Variants in RGPD5 observed in about 807,000 individuals in gnomAD.
RGPD5 encodes the protein RANBP2-like and GRIP domain-containing protein 5/6.
At chr2:109,773,203 C>T in the RGPD5 span, among the ~76,000 whole-genome samples, 1 of 151,108 alleles carries the variant, frequency 6.6e-6, no homozygotes, top group African/African-American at 2.5e-5. Context: ...AGGCTGCAGG[C>T]ACCACGGTGT....
the RGPD5 span, among the ~76,000 whole-genome samples, chr2:109,770,529 C>A: frequency 1.2e-5 from 1 of 80,682 alleles, no homozygotes; most frequent in African/African-American, 7.2e-5. Context: ...TCCTGCCAGG[C>A]CCCTCTTCTG....
At chr2:109,778,400 G>A in the RGPD5 span, among the ~76,000 whole-genome samples, 1 of 149,076 alleles carries the variant, frequency 6.7e-6, no homozygotes, top group East Asian at 2.0e-4. Context: ...CTTTATAAAT[G>A]TGTGGAATGT....
At chr2:109,760,948 C>T in the RGPD5 span, among the ~76,000 whole-genome samples, 4 of 129,770 alleles carry the variant, frequency 3.1e-5, no homozygotes, top group East Asian at 1.0e-3. Context: ...GATGCGTGGC[C>T]GCCTGCCTGT....
the RGPD5 span, among the ~76,000 whole-genome samples, chr2:109,764,611 A>G: frequency 1.3e-5 from 2 of 149,204 alleles, no homozygotes; most frequent in African/African-American, 4.9e-5. Flanking sequence ...AACACTGGTG[A>G]TTCAGAAAAG....
intron 1 of RGPD5, 24 bp downstream of exon 1, chr2:109,794,561 A>ACGGCGGCGGCGGCGGCGGCGG (rs1254797662): frequency 1.2e-3 from 1 of 820 alleles, no homozygotes; most frequent in African/African-American, 3.6e-3. Context: ...GAAGAGAGCG[A>ACGGCGGCGGCGGCGGCGGCGG]CGGCGGCCTC....
At chr2:109,760,671 TCGGCGGCGGCGGCGGTAGCGG>T in the RGPD5 span, among the ~76,000 whole-genome samples, 1 of 126,312 alleles carries the variant, frequency 7.9e-6, no homozygotes, top group Non-Finnish European at 1.7e-5. Flanking sequence ...GGCCCGAGCT[TCGGCGGCGGCGGCGGTAGCGG>T]CGGCGGCGAC....
chr2:109,762,323 T>A, the RGPD5 span, among the ~76,000 whole-genome samples: 4 of 150,052 alleles, frequency 2.7e-5, 1 homozygote, highest in Admixed American at 1.4e-4. Context: ...ATTTTATAGG[T>A]TTACATTTAG....
At chr2:109,765,868 G>C in the RGPD5 span, among the ~76,000 whole-genome samples, 1 of 150,644 alleles carries the variant, frequency 6.6e-6, no homozygotes, top group Non-Finnish European at 1.5e-5. Flanking sequence ...GGCCTTTTTA[G>C]ACTTTACTTC....
chr2:109,766,783 C>T, the RGPD5 span, among the ~76,000 whole-genome samples: 1 of 149,586 alleles, frequency 6.7e-6, no homozygotes, highest in Admixed American at 6.9e-5. Flanking sequence ...AATAGATTTG[C>T]CTGTTTGATT....
At chr2:109,799,334 CTTT>C (rs1230594351) in intron 1 of RGPD5, among the ~76,000 whole-genome samples, 1 of 29,102 alleles carries the variant, frequency 3.4e-5, no homozygotes, top group Non-Finnish European at 5.1e-5. Flanking sequence ...TGCTATAGTT[CTTT>C]TTTTTTTTTG....
chr2:109,765,331 G>A, the RGPD5 span, among the ~76,000 whole-genome samples: 8 of 149,202 alleles, frequency 5.4e-5, no homozygotes, highest in African/African-American at 2.0e-4. Context: ...ATGAAATAAC[G>A]CTTATTACTA....
intron 1 of RGPD5, 56 bp downstream of exon 1, chr2:109,794,593 C>CGGCGGCCTCGGCCCGGCCGGGG (rs1676858136): frequency 1.1e-6 from 1 of 900,374 alleles, no homozygotes; most frequent in African/African-American, 2.2e-5. Context: ...GGGGCGGCGG[C>CGGCGGCCTCGGCCCGGCCGGGG]GGCGGCGGCG....
rs1428500700 is a variant in RGPD5, at chr2:109,794,679, C to T, written c.72+142C>T. 4.6e-4 allele frequency: 326 copies of T among 714,376 alleles called. 1 individual carries two copies. In the South Asian group the frequency reaches 0.016, roughly 36 times the overall value. 44.3% of individuals were successfully genotyped at this position (714,376 alleles called of 1,614,324 possible). ...TCTCCCGAGGGGCGCTGCTCCGTGG[C>T]GCGCTCTGTTGAGGCGCCGGCCGGC... On this transcript the variant is annotated intron_variant, in intron 1 of 22. Transcript: ENST00000016946.
the RGPD5 span, among the ~76,000 whole-genome samples, chr2:109,762,678 C>T: frequency 1.9e-5 from 2 of 103,358 alleles, no homozygotes; most frequent in Non-Finnish European, 3.8e-5. Context: ...ACATTTATTA[C>T]TTTTAAAAAA....
chr2:109,761,865 TAA>T, the RGPD5 span, among the ~76,000 whole-genome samples: 1 of 151,422 alleles, frequency 6.6e-6, no homozygotes, highest in African/African-American at 2.4e-5. Context: ...TTTAATTCAG[TAA>T]AGAGTTCACA....
chr2:109,761,375 C>T, the RGPD5 span, among the ~76,000 whole-genome samples: 1 of 151,092 alleles, frequency 6.6e-6, no homozygotes, highest in Admixed American at 6.6e-5. Context: ...CTCCTTTCCT[C>T]GGGGTTCACA....
At chr2:109,767,384 A>G in the RGPD5 span, among the ~76,000 whole-genome samples, 2 of 145,632 alleles carry the variant, frequency 1.4e-5, no homozygotes, top group Non-Finnish European at 3.0e-5. Flanking sequence ...TACTACTCAC[A>G]TATGTAGATC....
At chr2:109,765,938 C>T in the RGPD5 span, among the ~76,000 whole-genome samples, 3 of 150,416 alleles carry the variant, frequency 2.0e-5, no homozygotes, top group Admixed American at 1.3e-4. Flanking sequence ...CTACCCTTTC[C>T]TCCAGCTGCA....
At chr2:109,780,604 GTATAA>G in the RGPD5 span, among the ~76,000 whole-genome samples, 1 of 59,872 alleles carries the variant, frequency 1.7e-5, no homozygotes, top group Non-Finnish European at 2.8e-5. Context: ...TATAGGGTAC[GTATAA>G]TATAATATTT....
Sources: gnomAD v4.1 joint callset for allele counts (sites outside exome capture counted in the v4.1 genomes callset) on GRCh38, gnomAD v4.1.1 for gene constraint, MANE v1.5 for transcripts, NCBI Gene and HGNC (gene_info 2026-07-23, HGNC 2026-07-21) for gene names.